The following PTPRN2 variants were observed in gnomAD, a reference collection of about 807,000 sequenced individuals.
The protein encoded by PTPRN2 is protein tyrosine phosphatase receptor type N2.
Under a neutral mutation model 118.8 loss-of-function variants are expected in PTPRN2, and 74 were observed. The ratio of observed to expected loss-of-function variants is 0.62; its 90% CI spans 0.52 to 0.76. PTPRN2 has a LOEUF of 0.76. Ranked by LOEUF, PTPRN2 falls within the 30% of genes least tolerant of loss-of-function variation. The pLI is 0.00. For synonymous variants in PTPRN2, 641 were observed against 608.0 expected (o/e 1.05, Z -0.80); for missense variants, 1,481 against 1,394.4 (o/e 1.06, Z -0.99).
chr7:157,793,232 TG>T lies in PTPRN2; in HGVS notation c.1788+105440del, dbSNP rs200572841. On this transcript the variant is annotated intron_variant, in intron 12 of 22. Coordinates refer to ENST00000389418, the MANE Select transcript of PTPRN2 (RefSeq NM_002847.5). The stretch of plus-strand genomic sequence containing the variant: ...CCCTCTGCAGAGCAAACACAGTTTC[TG>T]CTGAAAAGAATGTGGCAGATGAACA... Among the ~76,000 whole-genome samples the T allele has an allele frequency of 4.2e-3, 637 of 152,222 alleles. 23 individuals are homozygous for T. Among genetic ancestry groups the T allele is most frequent in the Admixed American group, 0.04 (610 of 15,288 alleles).
intron 14 of PTPRN2, among the ~76,000 whole-genome samples, chr7:157,646,628 G>A (rs2150709172): frequency 6.6e-6 from 1 of 152,298 alleles, no homozygotes; most frequent in South Asian, 2.1e-4. Flanking sequence ...CCCTTGCACA[G>A]GGGAGGCTGG....
In PTPRN2 at chr7:157,977,909, G is replaced by C. The variant is rs186523495; in HGVS notation, c.1724-79172C>G. On this transcript the variant is annotated intron_variant, in intron 11 of 22. Coordinates refer to ENST00000389418, the MANE Select transcript of PTPRN2 (RefSeq NM_002847.5). This position sits in a 1 kb window ranked among gnomAD's most constrained non-coding sequence, Gnocchi z 4.6. ...GAGGAGGGAAGGAGGTCAGCTTCCC[G>C]ATGTGTCTGTGGGCCGGCAGGACTC... Among the ~76,000 whole-genome samples, 2 of 151,846 alleles carry C rather than the reference G, an allele frequency of 1.3e-5. No individual in the cohort carries two copies. The highest frequency in any genetic ancestry group is 2.9e-5 in the Non-Finnish European group (2 of 67,908).
In PTPRN2 at chr7:157,575,770, A is replaced by AT. The variant is rs1223612516; in HGVS notation, c.2783+842dup. Among the ~76,000 whole-genome samples, 3 of 152,156 alleles carry AT rather than the reference A, an allele frequency of 2.0e-5. No individual in the cohort carries two copies. In the East Asian group the frequency reaches 5.8e-4, roughly 29 times the overall value. On this transcript the variant is annotated intron_variant, in intron 19 of 22. Coordinates refer to ENST00000389418, the MANE Select transcript of PTPRN2 (RefSeq NM_002847.5). ...GGGGCATGGCATTGGATTCAAATGC[A>AT]TTTTTTCTTCTTATTCTCCTTGTTT...
chr7:157,895,155 G>C (rs1038300869), intron 12 of PTPRN2, among the ~76,000 whole-genome samples: 17 of 151,888 alleles, frequency 1.1e-4, no homozygotes, highest in African/African-American at 4.1e-4. Context: ...TAAGCCAGAG[G>C]GTCTGAACAA....
intron 17 of PTPRN2, among the ~76,000 whole-genome samples, chr7:157,578,863 C>G (rs1800198799): frequency 1.3e-5 from 2 of 152,234 alleles, no homozygotes; most frequent in African/African-American, 4.8e-5. Flanking sequence ...AACCACTAAT[C>G]CTGTGGGGCA....
intron 2 of PTPRN2, among the ~76,000 whole-genome samples, chr7:158,421,402 C>A (rs555887931): frequency 2.0e-3 from 300 of 152,326 alleles, no homozygotes; most frequent in African/African-American, 6.8e-3. Context: ...GAGCGGAGGG[C>A]AACGTTTCAT....
At chr7:158,171,198 A>C (rs1020392941) in intron 5 of PTPRN2, among the ~76,000 whole-genome samples, 1 of 125,562 alleles carries the variant, frequency 8.0e-6, no homozygotes. Flanking sequence ...ACATACATAT[A>C]TATACACTAT....
chr7:157,959,306 A>G (rs1245843412), intron 11 of PTPRN2, among the ~76,000 whole-genome samples: 1 of 152,246 alleles, frequency 6.6e-6, no homozygotes, highest in Non-Finnish European at 1.5e-5. Flanking sequence ...TTTGGCACTG[A>G]TTTCTCAGTA....
chr7:157,799,220 G>A (rs1805073640), intron 12 of PTPRN2, among the ~76,000 whole-genome samples: 1 of 152,126 alleles, frequency 6.6e-6, no homozygotes, highest in Non-Finnish European at 1.5e-5. Flanking sequence ...GTGGGTGGGA[G>A]GTGCTGGACA....
Position 158,084,878 on chromosome 7 carries a change from T to G in PTPRN2, c.1644-3501A>C, listed in dbSNP as rs1353111053. On this transcript the variant is annotated intron_variant, in intron 10 of 22. Coordinates refer to ENST00000389418, the MANE Select transcript of PTPRN2 (RefSeq NM_002847.5). The stretch of plus-strand genomic sequence containing the variant: ...CATCCTTGATGCCCATCCACACCCA[T>G]GATGCCCATCCACATCCTCGATGCC... 4.4e-5 allele frequency among the ~76,000 whole-genome samples: 4 copies of G among 90,350 alleles called. No individual in the cohort carries two copies. The East Asian group carries it at 1.2e-3, about 27-fold the overall frequency. The allele number at this position is 90,350 out of a possible 152,430, so 59.3% of individuals were successfully genotyped here.
chr7:158,536,472 A>G (rs1350810110), intron 1 of PTPRN2, among the ~76,000 whole-genome samples: 1 of 151,598 alleles, frequency 6.6e-6, no homozygotes, highest in African/African-American at 2.4e-5. Context: ...CCCGCCATTG[A>G]CAAGATGAGA....
At chr7:157,722,014 C>T (rs561303575) in intron 12 of PTPRN2, among the ~76,000 whole-genome samples, 32 of 152,242 alleles carry the variant, frequency 2.1e-4, no homozygotes, top group African/African-American at 2.9e-4. Context: ...GCCGCAAAAG[C>T]GCTTCAGTCT....
chr7:157,646,192 G>A (rs962036217), intron 14 of PTPRN2, among the ~76,000 whole-genome samples: 2 of 152,198 alleles, frequency 1.3e-5, no homozygotes, highest in Non-Finnish European at 1.5e-5. Flanking sequence ...GTCTCATGTT[G>A]AAATGTAGCC....
At chr7:158,412,639 A>G (rs1351382028) in intron 2 of PTPRN2, among the ~76,000 whole-genome samples, 2 of 59,556 alleles carry the variant, frequency 3.4e-5, no homozygotes, top group South Asian at 8.5e-4. Flanking sequence ...CCACCTCAGC[A>G]CCCTCCTCAA....
At chr7:158,489,010 G>C (rs1554516511) in intron 2 of PTPRN2, among the ~76,000 whole-genome samples, 1 of 152,270 alleles carries the variant, frequency 6.6e-6, no homozygotes, top group Non-Finnish European at 1.5e-5. Flanking sequence ...CCGCGCTGGA[G>C]GGAAGGGGCT....
rs1311102604 is a variant in PTPRN2, at chr7:158,333,106, TAAG to T, written c.164-16177_164-16175del. Among the ~76,000 whole-genome samples the T allele has an allele frequency of 3.4e-5, 4 of 116,102 alleles. No individual in the cohort carries two copies. In the East Asian group the frequency reaches 7.2e-4, roughly 21 times the overall value. 76.2% of individuals were successfully genotyped at this position (116,102 alleles called of 152,430 possible). Reference sequence around the variant, plus strand: ...GTCACTCACACCCACGCTCTCACCATAAGAAGTGACACCTGCAGACATCACTCA... The same window carrying T: ...GTCACTCACACCCACGCTCTCACCATAAGTGACACCTGCAGACATCACTCA... On this transcript the variant is annotated intron_variant, in intron 2 of 22. Coordinates refer to ENST00000389418, the MANE Select transcript of PTPRN2 (RefSeq NM_002847.5).
chr7:158,433,328 C>T (rs1816357277), intron 2 of PTPRN2, among the ~76,000 whole-genome samples: 1 of 152,104 alleles, frequency 6.6e-6, no homozygotes, highest in Admixed American at 6.5e-5. Context: ...ATTACTAGAC[C>T]ATAAAAGACA....
chr7:158,286,009 G>A (rs7784676), intron 3 of PTPRN2, among the ~76,000 whole-genome samples: 2,592 of 152,252 alleles, frequency 0.017, 74 homozygotes, highest in African/African-American at 0.059. Context: ...GGCAGACCAC[G>A]AGAATGAACA....
At chr7:157,636,729 T>C (rs1455101999) in intron 14 of PTPRN2, among the ~76,000 whole-genome samples, 2 of 152,226 alleles carry the variant, frequency 1.3e-5, no homozygotes, top group African/African-American at 4.8e-5. Context: ...TGGAGAACTT[T>C]GGAGAAATGG....
Sources: allele counts gnomAD v4.1 joint callset (sites outside exome capture counted in the v4.1 genomes callset), GRCh38; gene constraint gnomAD v4.1.1; non-coding constraint Gnocchi (gnomAD v3.1); transcripts MANE v1.5; gene names NCBI Gene and HGNC (gene_info 2026-07-23, HGNC 2026-07-21).